The following ACER2 variants were observed in gnomAD, a reference collection of about 807,000 sequenced individuals.
ACER2 encodes the protein alkaline ceramidase 2, also known as alkCDase 2.
A neutral mutation model predicts 34.7 loss-of-function variants in ACER2; 26 were observed. The observed-to-expected ratio is 0.75, with a 90% CI of 0.55 to 1.04. The LOEUF (loss-of-function observed/expected upper bound fraction) is 1.04. ACER2 is among the 50% of genes least tolerant of loss of function. The pLI, the probability that ACER2 is intolerant of heterozygous loss-of-function variation, is 0.00. For synonymous variants in ACER2, 138 were observed against 132.1 expected, an observed-to-expected ratio of 1.04 and a Z score of -0.31; for missense variants, 352 against 340.8, an observed-to-expected ratio of 1.03 and a Z score of -0.26.
At chr9:19,409,778 C>T (rs532589427) in intron 1 of ACER2, 778 of 985,168 alleles carry the variant, frequency 7.9e-4, no homozygotes, top group Non-Finnish European at 9.0e-4. Flanking sequence ...CTTTAGTGTC[C>T]TGTCTTGTGC....
chr9:19,412,330 A>G (rs1400875277), intron 1 of ACER2, among the ~76,000 whole-genome samples: 2 of 152,174 alleles, frequency 1.3e-5, no homozygotes, highest in African/African-American at 2.4e-5. Flanking sequence ...GGCATATAAA[A>G]AGCACATGTA....
chr9:19,441,524 AG>A (rs1188057278), intron 4 of ACER2, among the ~76,000 whole-genome samples: 1 of 152,034 alleles, frequency 6.6e-6, no homozygotes, highest in Non-Finnish European at 1.5e-5. Flanking sequence ...TGCCAGCCCC[AG>A]CCCCTTCCTT....
intron 3 of ACER2, among the ~76,000 whole-genome samples, chr9:19,433,038 G>C (rs1348180104): frequency 6.6e-6 from 1 of 151,774 alleles, no homozygotes; most frequent in African/African-American, 2.4e-5. Flanking sequence ...CAGTGAAGTA[G>C]GTTGACTGTA....
intron 4 of ACER2, among the ~76,000 whole-genome samples, chr9:19,442,452 A>T (rs944624850): frequency 6.6e-6 from 1 of 152,244 alleles, no homozygotes; most frequent in East Asian, 1.9e-4. Context: ...TTCTAGCAGG[A>T]TCTGCTTCTT....
At chr9:19,410,881 G>A (rs1367691167) in intron 1 of ACER2, among the ~76,000 whole-genome samples, 1 of 152,178 alleles carries the variant, frequency 6.6e-6, no homozygotes, top group Non-Finnish European at 1.5e-5. Context: ...AACACAAGCT[G>A]TCCTTTTGTA....
At chr9:19,424,100 T>C (rs1274348138) in intron 2 of ACER2, 124 bp downstream of exon 2, 1 of 944,242 alleles carries the variant, frequency 1.1e-6, no homozygotes, top group East Asian at 2.5e-5. Flanking sequence ...TCTGAGGTCT[T>C]AGCAAACTTT....
At chr9:19,441,485 C>G (rs117884774) in intron 4 of ACER2, among the ~76,000 whole-genome samples, 6,729 of 152,270 alleles carry the variant, frequency 0.044, 178 homozygotes, top group Non-Finnish European at 0.065. Flanking sequence ...GCCACTCTGA[C>G]CTTCTGTTTC....
intron 4 of ACER2, among the ~76,000 whole-genome samples, chr9:19,438,351 C>T (rs1028227864): frequency 6.6e-6 from 1 of 152,212 alleles, no homozygotes; most frequent in Non-Finnish European, 1.5e-5. Flanking sequence ...AAATCATCTG[C>T]TTCTTCCTAT....
chr9:19,418,323 T>C (rs1830296790), intron 1 of ACER2, among the ~76,000 whole-genome samples: 1 of 152,166 alleles, frequency 6.6e-6, no homozygotes, highest in African/African-American at 2.4e-5. Flanking sequence ...GAAATACCAT[T>C]TGACCCAGCA....
intron 3 of ACER2, among the ~76,000 whole-genome samples, chr9:19,430,581 G>A (rs1256992556): frequency 6.6e-6 from 1 of 152,118 alleles, no homozygotes; most frequent in Non-Finnish European, 1.5e-5. Context: ...TGTGTTCACA[G>A]GATGTCCTTG....
chr9:19,428,588 T>C (rs755596152), intron 3 of ACER2, among the ~76,000 whole-genome samples: 1 of 151,426 alleles, frequency 6.6e-6, no homozygotes, highest in African/African-American at 2.4e-5. Context: ...TGAATAACAA[T>C]TAACCTAAAA....
chr9:19,415,497 T>G (rs1468474993), intron 1 of ACER2, among the ~76,000 whole-genome samples: 1 of 150,844 alleles, frequency 6.6e-6, no homozygotes, highest in Non-Finnish European at 1.5e-5. Flanking sequence ...TCCATCTCAA[T>G]AAATAAATAA....
At chr9:19,424,955 C>T (rs1830515382) in intron 3 of ACER2, 114 bp downstream of exon 3, 2 of 1,301,310 alleles carry the variant, frequency 1.5e-6, no homozygotes, top group South Asian at 3.0e-5. Context: ...ATGAGCTTAT[C>T]ATATACTTGT....
intron 5 of ACER2, chr9:19,450,217 CA>C (rs1293510347): frequency 1.0e-6 from 1 of 985,382 alleles, no homozygotes; most frequent in South Asian, 4.7e-5. Flanking sequence ...TCCTATTATC[CA>C]GCAGGACTAT....
intron 3 of ACER2, among the ~76,000 whole-genome samples, chr9:19,426,314 T>G (rs1314076548): frequency 1.3e-5 from 2 of 150,464 alleles, no homozygotes; most frequent in African/African-American, 2.5e-5. Flanking sequence ...TTCTCTTTCT[T>G]TCTTTCTTTT....
At chr9:19,446,445 C>T (rs753211339) in intron 5 of ACER2, 27 bp downstream of exon 5, 1 of 1,613,772 alleles carries the variant, frequency 6.2e-7, no homozygotes, top group Admixed American at 1.7e-5. Flanking sequence ...GGGGAGGTGG[C>T]CGGGGACAGG....
intron 4 of ACER2, 133 bp from the exon 5 acceptor site, chr9:19,446,148 G>T: frequency 8.0e-7 from 1 of 1,248,278 alleles, no homozygotes; most frequent in Non-Finnish European, 1.2e-6. Context: ...GAGTGACTGT[G>T]TGTTGGGTAA....
rs114994117 is a variant in ACER2, at chr9:19,418,698, G to A, written c.109-5164G>A. ...ATCACACACCGGGGCCTTTTGAGGG[G>A]TAGAGGGCTAGGGGAGGGATAGCAT... On this transcript the variant is annotated intron_variant, in intron 1 of 5. Transcript: ENST00000340967. 6.1e-3 allele frequency among the ~76,000 whole-genome samples: 935 copies of A among 152,286 alleles called. 12 individuals are homozygous for A. Among genetic ancestry groups the A allele is most frequent in the African/African-American group, 0.022 (897 of 41,550 alleles).
intron 5 of ACER2, among the ~76,000 whole-genome samples, chr9:19,447,391 C>G (rs575289723): frequency 5.5e-4 from 83 of 152,018 alleles, no homozygotes; most frequent in Non-Finnish European, 1.0e-3. Context: ...GCTATGAGAC[C>G]CACCCTACTC....
Sources: gnomAD v4.1 joint callset for allele counts (sites outside exome capture counted in the v4.1 genomes callset) on GRCh38, gnomAD v4.1.1 for gene constraint, MANE v1.5 for transcripts, NCBI Gene and HGNC (gene_info 2026-07-23, HGNC 2026-07-21) for gene names.